The following ATRNL1 variants were observed in gnomAD, a reference collection of about 807,000 sequenced individuals.
ATRNL1 encodes attractin-like protein 1.
Under a neutral mutation model 182.7 loss-of-function variants are expected in ATRNL1, and 95 were observed. The ratio of observed to expected loss-of-function variants is 0.52; its 90% CI spans 0.44 to 0.62. The LOEUF is 0.62. Ranked by LOEUF, ATRNL1 falls within the 20% of genes least tolerant of loss-of-function variation. ATRNL1 has a pLI of 0.00. For synonymous variants in ATRNL1, 576 were observed against 568.3 expected (o/e 1.01, Z -0.19); for missense variants, 1,471 against 1,679.5 (o/e 0.88, Z 2.17).
intron 3 of ATRNL1, among the ~76,000 whole-genome samples, chr10:115,124,150 C>T (rs561930379): frequency 6.6e-6 from 1 of 152,172 alleles, no homozygotes; most frequent in South Asian, 2.1e-4. Flanking sequence ...GTCTCTGGTT[C>T]CAAAAAGGTT....
rs1953867165 is a variant in ATRNL1 at position 115,945,918 on chromosome 10, G to A, written c.*1139G>A. The A allele has an allele frequency of 6.6e-6, 1 of 152,070 alleles. No individual in the cohort carries two copies. Among genetic ancestry groups the A allele is most frequent in the Admixed American group, 6.6e-5 (1 of 15,266 alleles). 9.4% of individuals were successfully genotyped at this position (152,070 alleles called of 1,614,324 possible). A position where few individuals can be genotyped will look rare whatever the true frequency, so the allele number is the denominator to read the frequency against. ...CTGTGGTTTAGAAAATATGTCCATG[G>A]TTGCCCACAGTCAGCACACTCTTAG... is the stretch of plus-strand genomic sequence containing the variant. On this transcript the variant is annotated 3_prime_UTR_variant, in exon 29 of 29. Transcript: ENST00000355044.
At chr10:115,436,952 A>C (rs1846432717) in intron 21 of ATRNL1, among the ~76,000 whole-genome samples, 1 of 152,116 alleles carries the variant, frequency 6.6e-6, no homozygotes, top group African/African-American at 2.4e-5. Context: ...TGAGAATTAT[A>C]GAGTTTTGGG....
In ATRNL1 at chr10:115,094,111, C is replaced by T. The variant is rs1381511837; in HGVS notation, c.293+68C>T. 5.4e-6 allele frequency: 7 copies of T among 1,287,744 alleles called. No homozygotes were observed. In the South Asian group the frequency reaches 6.7e-5, roughly 12 times the overall value. 79.8% of individuals were successfully genotyped at this position (1,287,744 alleles called of 1,614,324 possible). ...CTCCCGTCGCGGCCTTCCCCGCCCC[C>T]CTCGCGGCCTCCCCCGCCCCCGTCG... On this transcript the variant is annotated intron_variant, in intron 1 of 28. Coordinates refer to ENST00000355044, the MANE Select transcript of ATRNL1 (RefSeq NM_207303.4).
chr10:115,765,562 C>T (rs1948836722), intron 27 of ATRNL1, among the ~76,000 whole-genome samples: 1 of 152,142 alleles, frequency 6.6e-6, no homozygotes, highest in Non-Finnish European at 1.5e-5. Flanking sequence ...ACGTCTTTTG[C>T]ACATATTTTC....
chr10:115,137,270 GT>G (rs1833088753), intron 5 of ATRNL1, among the ~76,000 whole-genome samples: 2 of 152,192 alleles, frequency 1.3e-5, no homozygotes, highest in South Asian at 4.1e-4. Flanking sequence ...AGAAAAGTCA[GT>G]TATTGGAAAG....
intron 24 of ATRNL1, among the ~76,000 whole-genome samples, chr10:115,471,225 C>T (rs182850684): frequency 1.4e-3 from 212 of 150,738 alleles, no homozygotes; most frequent in African/African-American, 4.6e-3. Context: ...ATATAAATCA[C>T]GATTTCTTTA....
chr10:115,428,115 A>G (rs575365302), intron 21 of ATRNL1, among the ~76,000 whole-genome samples: 177 of 152,056 alleles, frequency 1.2e-3, no homozygotes, highest in African/African-American at 3.5e-3. Flanking sequence ...AACTGTACAC[A>G]TATTTCACAT....
At chr10:115,741,660 C>T (rs941928018) in intron 27 of ATRNL1, among the ~76,000 whole-genome samples, 29 of 152,026 alleles carry the variant, frequency 1.9e-4, no homozygotes, top group African/African-American at 6.3e-4. Context: ...GAAGGGCAGG[C>T]GCTGAACTAG....
At chr10:115,915,252 G>A (rs1044858892) in intron 28 of ATRNL1, among the ~76,000 whole-genome samples, 1 of 152,098 alleles carries the variant, frequency 6.6e-6, no homozygotes, top group Non-Finnish European at 1.5e-5. Context: ...AAAAAAATTA[G>A]CCAGGCGTGG....
intron 25 of ATRNL1, among the ~76,000 whole-genome samples, chr10:115,525,929 A>G (rs61880985): frequency 0.18 from 28,107 of 152,060 alleles, 3,231 homozygotes; most frequent in Non-Finnish European, 0.26. Context: ...ATCCGTATCA[A>G]TTGTGTAATC....
intron 25 of ATRNL1, among the ~76,000 whole-genome samples, chr10:115,521,225 C>T (rs1199316780): frequency 2.6e-5 from 4 of 151,874 alleles, no homozygotes; most frequent in Non-Finnish European, 4.4e-5. Context: ...GCTATTTCGG[C>T]TCACTGCAAC....
intron 28 of ATRNL1, among the ~76,000 whole-genome samples, chr10:115,855,020 T>A (rs1401228033): frequency 6.6e-6 from 1 of 152,156 alleles, no homozygotes; most frequent in Non-Finnish European, 1.5e-5. Context: ...CTCTGACTTC[T>A]CCTCAACTTC....
At chr10:115,502,884 A>G (rs1849915224) in intron 24 of ATRNL1, among the ~76,000 whole-genome samples, 1 of 152,122 alleles carries the variant, frequency 6.6e-6, no homozygotes, top group Admixed American at 6.6e-5. Flanking sequence ...CCAGAACTTA[A>G]AGTATAATTT....
intron 28 of ATRNL1, among the ~76,000 whole-genome samples, chr10:115,927,527 C>A (rs980005428): frequency 3.9e-5 from 6 of 152,006 alleles, no homozygotes; most frequent in African/African-American, 1.2e-4. Context: ...TAGGGAAGTC[C>A]TTTCCAAACA....
At chr10:115,507,621 A>G (rs1592757503) in intron 24 of ATRNL1, among the ~76,000 whole-genome samples, 1 of 152,098 alleles carries the variant, frequency 6.6e-6, no homozygotes, top group East Asian at 1.9e-4. Flanking sequence ...ATAAAATGAA[A>G]TTAATAACAT....
chr10:115,419,432 A>G (rs922875399), intron 20 of ATRNL1, among the ~76,000 whole-genome samples: 1 of 152,216 alleles, frequency 6.6e-6, no homozygotes, highest in Non-Finnish European at 1.5e-5. Flanking sequence ...CTTACCTATC[A>G]ATAACTACCT....
At chr10:115,113,482 G>A (rs1844345507) in intron 1 of ATRNL1, among the ~76,000 whole-genome samples, 1 of 152,168 alleles carries the variant, frequency 6.6e-6, no homozygotes, top group Non-Finnish European at 1.5e-5. Flanking sequence ...ATTACCACGT[G>A]TTGTGGGAGG....
intron 8 of ATRNL1, among the ~76,000 whole-genome samples, chr10:115,191,783 G>A (rs2144238712): frequency 6.6e-6 from 1 of 152,076 alleles, no homozygotes; most frequent in East Asian, 1.9e-4. Flanking sequence ...AGTTCCCTGA[G>A]GCCTCCTCAG....
chr10:115,256,452 T>C (rs546234440), intron 10 of ATRNL1, among the ~76,000 whole-genome samples: 4 of 152,308 alleles, frequency 2.6e-5, no homozygotes, highest in African/African-American at 9.6e-5. Context: ...TCTCTGATGG[T>C]AGTTTGTATT....
Sources: allele counts gnomAD v4.1 joint callset (sites outside exome capture counted in the v4.1 genomes callset), GRCh38; gene constraint gnomAD v4.1.1; transcripts MANE v1.5; gene names NCBI Gene and HGNC (gene_info 2026-07-23, HGNC 2026-07-21).